The following SLC24A3 variants were observed in gnomAD, a reference collection of about 807,000 sequenced individuals.
SLC24A3 encodes sodium/potassium/calcium exchanger 3.
In SLC24A3, 28 loss-of-function variants were observed where a neutral mutation model predicts 75.8. That is an observed-to-expected ratio of 0.37 (90% CI 0.27 to 0.51). The LOEUF is 0.51. SLC24A3 is among the 20% of genes least tolerant of loss of function. The pLI is 0.94. For synonymous variants in SLC24A3, 372 were observed against 334.1 expected, an observed-to-expected ratio of 1.11 and a Z score of -1.24; for missense variants, 663 against 847.8, an observed-to-expected ratio of 0.78 and a Z score of 2.71.
chr20:19,228,415 G>A (rs773867858), intron 1 of SLC24A3, among the ~76,000 whole-genome samples: 7 of 152,076 alleles, frequency 4.6e-5, no homozygotes, highest in Non-Finnish European at 1.0e-4. Context: ...TGAGGTGGGC[G>A]GATCACGAGG....
chr20:19,481,830 TC>T (rs758442211), intron 2 of SLC24A3, among the ~76,000 whole-genome samples: 25 of 152,192 alleles, frequency 1.6e-4, no homozygotes, highest in African/African-American at 2.4e-4. Context: ...CTTTGGCCCC[TC>T]CCCTTAGGGT....
chr20:19,669,506 A>AAAAAAAAAG (rs986575024), intron 8 of SLC24A3, among the ~76,000 whole-genome samples: 5 of 152,024 alleles, frequency 3.3e-5, no homozygotes, highest in Non-Finnish European at 7.4e-5. Flanking sequence ...TGTCTCAAAA[A>AAAAAAAAAG]AAAAAAAAGA....
chr20:19,380,160 G>A (rs947118751), intron 2 of SLC24A3, among the ~76,000 whole-genome samples: 3 of 152,178 alleles, frequency 2.0e-5, no homozygotes, highest in Non-Finnish European at 4.4e-5. Flanking sequence ...ACAGGTCTAG[G>A]GGTCAGGAGA....
At chr20:19,323,200 C>T (rs545263573) in intron 2 of SLC24A3, among the ~76,000 whole-genome samples, 18 of 122,622 alleles carry the variant, frequency 1.5e-4, no homozygotes, top group African/African-American at 6.6e-4. Context: ...AGCGAGACTC[C>T]GTCTCAAAAA....
At chr20:19,654,781 G>A (rs561435091) in intron 7 of SLC24A3, among the ~76,000 whole-genome samples, 1 of 151,358 alleles carries the variant, frequency 6.6e-6, no homozygotes, top group South Asian at 2.1e-4. Flanking sequence ...CCAAGTATCT[G>A]GGACTACAGG....
intron 9 of SLC24A3, among the ~76,000 whole-genome samples, chr20:19,674,397 C>T (rs1434580114): frequency 6.6e-6 from 1 of 152,176 alleles, no homozygotes; most frequent in East Asian, 1.9e-4. Context: ...CCAGAGCTGC[C>T]ATCATGTACT....
At chr20:19,669,043 A>G (rs2032432851) in intron 8 of SLC24A3, among the ~76,000 whole-genome samples, 2 of 152,186 alleles carry the variant, frequency 1.3e-5, no homozygotes, top group Non-Finnish European at 2.9e-5. Flanking sequence ...TAGACCAATC[A>G]TGATTCATGC....
chr20:19,354,544 T>G (rs969422705), intron 2 of SLC24A3, among the ~76,000 whole-genome samples: 5 of 151,768 alleles, frequency 3.3e-5, no homozygotes, highest in Admixed American at 2.6e-4. Context: ...GCCCAACACA[T>G]AGCAAATGGT....
intron 2 of SLC24A3, among the ~76,000 whole-genome samples, chr20:19,305,070 C>T (rs75396794): frequency 1.6e-3 from 249 of 152,290 alleles, no homozygotes; most frequent in African/African-American, 5.8e-3. Flanking sequence ...TCAACTCTGC[C>T]ATGGGCTGTC....
intron 3 of SLC24A3, among the ~76,000 whole-genome samples, chr20:19,541,403 GAGCAGCCTCCCTT>G (rs2030495071): frequency 6.6e-6 from 1 of 152,182 alleles, no homozygotes; most frequent in Non-Finnish European, 1.5e-5. Flanking sequence ...CCATGTCCAG[GAGCAGCCTCCCTT>G]TTGTTGCCTC....
At chr20:19,545,928 G>C (rs995127507) in intron 3 of SLC24A3, among the ~76,000 whole-genome samples, 24 of 151,998 alleles carry the variant, frequency 1.6e-4, no homozygotes, top group Non-Finnish European at 5.9e-5. Flanking sequence ...GGGAGGCCGA[G>C]GCGGGTGGAT....
In SLC24A3 at chr20:19,696,015, C is replaced by CTTTTTTTTTTTTTTTTTT. The variant is rs778046824; in HGVS notation, c.1492-781_1492-764dup. ...ATGGCTTTCCCCTTTTTTTCCTTTTCTTTTTTTTTTTTTTTTTTGTGAGAC... is the reference window on the plus strand; with the variant it reads ...ATGGCTTTCCCCTTTTTTTCCTTTTCTTTTTTTTTTTTTTTTTTTTTTTTTTTTTTTTTTTTGTGAGAC... On this transcript the variant is annotated intron_variant, in intron 13 of 16. Coordinates refer to ENST00000328041, the MANE Select transcript of SLC24A3 (RefSeq NM_020689.4). 7.4e-5 allele frequency among the ~76,000 whole-genome samples: 8 copies of CTTTTTTTTTTTTTTTTTT among 108,074 alleles called. 1 individual carries two copies. Among genetic ancestry groups the CTTTTTTTTTTTTTTTTTT allele is most frequent in the African/African-American group, 1.1e-4 (3 of 28,118 alleles). 70.9% of individuals were successfully genotyped at this position (108,074 alleles called of 152,430 possible).
chr20:19,580,967 G>GTTTT (rs1418610518), intron 4 of SLC24A3, among the ~76,000 whole-genome samples: 1 of 152,114 alleles, frequency 6.6e-6, no homozygotes, highest in Non-Finnish European at 1.5e-5. Flanking sequence ...TTTCTAATAC[G>GTTTT]TTTTTCAGGT....
intron 2 of SLC24A3, among the ~76,000 whole-genome samples, chr20:19,315,880 A>G (rs988786826): frequency 1.3e-5 from 2 of 152,244 alleles, no homozygotes; most frequent in Admixed American, 6.5e-5. Context: ...CATTTAATAC[A>G]TCTAACCTAG....
At chr20:19,698,750 A>G (rs1036962762) in intron 15 of SLC24A3, 70 bp downstream of exon 15, 2 of 1,205,028 alleles carry the variant, frequency 1.7e-6, no homozygotes, top group African/African-American at 3.0e-5. Flanking sequence ...AGCCTTGGCC[A>G]CAGGGTCTTT....
At chr20:19,552,978 A>G (rs1326272015) in intron 3 of SLC24A3, among the ~76,000 whole-genome samples, 1 of 151,990 alleles carries the variant, frequency 6.6e-6, no homozygotes, top group African/African-American at 2.4e-5. Flanking sequence ...CAAGGTCCCC[A>G]GACTAGGGAC....
At chr20:19,666,514 C>A (rs1002379491) in intron 8 of SLC24A3, among the ~76,000 whole-genome samples, 3 of 149,456 alleles carry the variant, frequency 2.0e-5, no homozygotes, top group South Asian at 2.1e-4. Flanking sequence ...CCCCACCCCC[C>A]AAAAAAAAAA....
At chr20:19,266,732 T>C (rs1025145514) in intron 1 of SLC24A3, among the ~76,000 whole-genome samples, 4 of 152,192 alleles carry the variant, frequency 2.6e-5, no homozygotes, top group Non-Finnish European at 5.9e-5. Flanking sequence ...ATTAGATGTA[T>C]GAAAAATACA....
At chr20:19,567,542 T>TC (rs1261210700) in intron 3 of SLC24A3, among the ~76,000 whole-genome samples, 5 of 152,210 alleles carry the variant, frequency 3.3e-5, no homozygotes, top group Non-Finnish European at 2.9e-5. Context: ...ATTGAAAAAC[T>TC]ACCTATCAGG....
Sources: allele counts gnomAD v4.1 joint callset (sites outside exome capture counted in the v4.1 genomes callset), GRCh38; gene constraint gnomAD v4.1.1; transcripts MANE v1.5; gene names NCBI Gene and HGNC (gene_info 2026-07-23, HGNC 2026-07-21).